SIL1: variants seen among roughly 807,000 people sequenced by gnomAD.
The protein encoded by SIL1 is SIL1 nucleotide exchange factor.
Under a neutral mutation model 49.1 loss-of-function variants are expected in SIL1, and 40 were observed. That is an observed-to-expected ratio of 0.81 (90% CI 0.63 to 1.06). The LOEUF (loss-of-function observed/expected upper bound fraction) is 1.06. Ranked by LOEUF, SIL1 falls within the 50% of genes least tolerant of loss-of-function variation. The pLI, the probability that SIL1 is intolerant of heterozygous loss-of-function variation, is 0.00. For missense variants in SIL1, 500 were observed against 572.6 expected (o/e 0.87, Z 1.29); for synonymous variants, 253 against 250.8 (o/e 1.01, Z -0.08).
intron 3 of SIL1, among the ~76,000 whole-genome samples, chr5:139,086,123 A>T (rs1770212767): frequency 7.1e-6 from 1 of 141,412 alleles, no homozygotes; most frequent in South Asian, 2.2e-4. Flanking sequence ...AAAAAAAAAA[A>T]TTAGCTGGGT....
At chr5:139,094,895 A>G (rs1488776361) in intron 3 of SIL1, among the ~76,000 whole-genome samples, 6 of 152,216 alleles carry the variant, frequency 3.9e-5, no homozygotes. Context: ...TATCAAAACC[A>G]TGATAGTTTG....
At chr5:139,073,893 TC>T (rs1401535783) in intron 3 of SIL1, among the ~76,000 whole-genome samples, 2 of 149,442 alleles carry the variant, frequency 1.3e-5, no homozygotes, top group Non-Finnish European at 3.0e-5. Flanking sequence ...AGAGCAAAAC[TC>T]CATCTCAAAA....
chr5:138,959,005 A>G (rs1301331062), intron 7 of SIL1, among the ~76,000 whole-genome samples: 1 of 152,136 alleles, frequency 6.6e-6, no homozygotes, highest in African/African-American at 2.4e-5. Flanking sequence ...CAATGCTCAA[A>G]TTATCCTTAA....
intron 5 of SIL1, among the ~76,000 whole-genome samples, chr5:139,040,269 T>C (rs1011661207): frequency 6.6e-6 from 1 of 152,026 alleles, no homozygotes; most frequent in Admixed American, 6.5e-5. Context: ...GTGAGCTGAG[T>C]CAGTCCAGAT....
chr5:139,100,128 A>G (rs1770555331), intron 3 of SIL1, among the ~76,000 whole-genome samples: 1 of 152,208 alleles, frequency 6.6e-6, no homozygotes, highest in African/African-American at 2.4e-5. Context: ...CTAGTCATTT[A>G]TTTAAATGAG....
intron 7 of SIL1, among the ~76,000 whole-genome samples, chr5:139,010,184 A>G (rs1444313095): frequency 7.3e-4 from 105 of 143,478 alleles, no homozygotes; most frequent in Non-Finnish European, 1.2e-3. Flanking sequence ...TTTTCTCTAA[A>G]CTTCCCTTCT....
At position 138,971,770 on chromosome 5, in the gene SIL1, C is replaced by G. The variant is rs1204532210; in HGVS notation, c.768-19886G>C. ...AGAAAACTTCCCACATCCCCAGCAC[C>G]ACAAAAGCTGCCACTTTGCTCAATG... On this transcript the variant is annotated intron_variant, in intron 7 of 9. Transcript: ENST00000394817. 2.0e-5 allele frequency among the ~76,000 whole-genome samples: 3 copies of G among 152,158 alleles called. No individual in the cohort carries two copies. The East Asian group carries it at 5.8e-4, about 29-fold the overall frequency.
chr5:139,096,502 T>A (rs190448299), intron 3 of SIL1, among the ~76,000 whole-genome samples: 1 of 151,686 alleles, frequency 6.6e-6, no homozygotes, highest in African/African-American at 2.4e-5. Context: ...GCATCATCCC[T>A]CCTCTAACCC....
At chr5:139,127,899 GC>G (rs768891115) in intron 1 of SIL1, 46 bp from the exon 2 acceptor site, 1 of 1,230,406 alleles carries the variant, frequency 8.1e-7, no homozygotes, top group South Asian at 1.3e-5. Flanking sequence ...AAAAGCTAAT[GC>G]TTGGTTCCCC....
chr5:139,088,581 G>C (rs1338597215), intron 3 of SIL1, among the ~76,000 whole-genome samples: 1 of 152,186 alleles, frequency 6.6e-6, no homozygotes. Flanking sequence ...ATTCCAGCTG[G>C]ACTCCCAACT....
chr5:139,118,635 C>T (rs981335369), intron 3 of SIL1, among the ~76,000 whole-genome samples: 1 of 152,168 alleles, frequency 6.6e-6, no homozygotes, highest in Non-Finnish European at 1.5e-5. Flanking sequence ...CCTACCCATC[C>T]AGTTCCCAGG....
chr5:139,181,843 T>C lies in SIL1; in HGVS notation c.-11+16426A>G, dbSNP rs74910347. Among the ~76,000 whole-genome samples the C allele has an allele frequency of 6.2e-3, 943 of 152,316 alleles. 7 individuals are homozygous for C. The highest frequency in any genetic ancestry group is 0.016 in the African/African-American group (684 of 41,578). On this transcript the variant is annotated intron_variant, in intron 1 of 9. Coordinates refer to ENST00000394817, the MANE Select transcript of SIL1 (RefSeq NM_022464.5). The stretch of plus-strand genomic sequence containing the variant: ...ATTCTTTAACTGCAGACTATCAATA[T>C]GCCTGAATTACACATTAGCCCTATT...
chr5:139,086,342 AT>A (rs542613522), intron 3 of SIL1, among the ~76,000 whole-genome samples: 1 of 150,662 alleles, frequency 6.6e-6, no homozygotes, highest in East Asian at 2.0e-4. Context: ...AATGAGTTTC[AT>A]TTTTTTATTT....
At chr5:139,094,726 A>C (rs945179979) in intron 3 of SIL1, among the ~76,000 whole-genome samples, 1 of 152,210 alleles carries the variant, frequency 6.6e-6, no homozygotes, top group Non-Finnish European at 1.5e-5. Context: ...AGAAACCAAC[A>C]TTGGTATATT....
chr5:139,040,498 C>CTTTTTTTTTTTTTT (rs11312366), intron 5 of SIL1, among the ~76,000 whole-genome samples: 5 of 105,304 alleles, frequency 4.7e-5, no homozygotes, highest in African/African-American at 1.1e-4. Flanking sequence ...TTTCTTTTTT[C>CTTTTTTTTTTTTTT]TTTTTTTTTT....
At chr5:139,152,936 G>A (rs1468296721) in intron 1 of SIL1, among the ~76,000 whole-genome samples, 76 of 152,108 alleles carry the variant, frequency 5.0e-4, no homozygotes, top group Non-Finnish European at 3.5e-4. Context: ...CTCCTGCCTC[G>A]GCTTCCCAAG....
intron 5 of SIL1, among the ~76,000 whole-genome samples, chr5:139,039,340 A>C (rs1390548301): frequency 6.6e-6 from 1 of 152,192 alleles, no homozygotes; most frequent in East Asian, 1.9e-4. Flanking sequence ...TCCCCACCTC[A>C]ATGTCCACTG....
chr5:139,099,158 G>A (rs773401757), intron 3 of SIL1, among the ~76,000 whole-genome samples: 1 of 151,990 alleles, frequency 6.6e-6, no homozygotes, highest in African/African-American at 2.4e-5. Flanking sequence ...AATGGCAAAC[G>A]GGTATATGAA....
At chr5:139,034,037 T>C (rs574906931) in intron 5 of SIL1, among the ~76,000 whole-genome samples, 1 of 152,338 alleles carries the variant, frequency 6.6e-6, no homozygotes, top group African/African-American at 2.4e-5. Context: ...AATTACTGTA[T>C]ATTTTAATGG....
Sources: allele counts gnomAD v4.1 joint callset (sites outside exome capture counted in the v4.1 genomes callset), GRCh38; gene constraint gnomAD v4.1.1; transcripts MANE v1.5; gene names NCBI Gene and HGNC (gene_info 2026-07-23, HGNC 2026-07-21).